Variants in RIT2 observed in about 807,000 individuals in gnomAD.
RIT2 encodes the protein GTP-binding protein Rit2.
RIT2 carries 24 observed loss-of-function variants against 23.7 expected under a neutral mutation model. The ratio of observed to expected loss-of-function variants is 1.01; its 90% confidence interval spans 0.73 to 1.43. The LOEUF (loss-of-function observed/expected upper bound fraction) is 1.43, where lower values mean the gene tolerates loss of function less well. Among genes scored for constraint, RIT2 ranks in the 40% most tolerant of loss-of-function variants. RIT2 has a pLI of 0.00. For missense variants in RIT2, 236 were observed against 266.9 expected, an observed-to-expected ratio of 0.88 and a Z score of 0.81; for synonymous variants, 107 against 91.1, an observed-to-expected ratio of 1.17 and a Z score of -0.99.
chr18:42,922,009 G>C (rs568997813), intron 4 of RIT2, among the ~76,000 whole-genome samples: 1 of 152,274 alleles, frequency 6.6e-6, no homozygotes, highest in African/African-American at 2.4e-5. Context: ...TGCTGAACAT[G>C]TCTTTGGAGA....
At chr18:42,802,058 A>C (rs1274909588) in intron 4 of RIT2, among the ~76,000 whole-genome samples, 1 of 152,244 alleles carries the variant, frequency 6.6e-6, no homozygotes, top group African/African-American at 2.4e-5. Flanking sequence ...AGAAGGCATG[A>C]AAACAATGCA....
intron 3 of RIT2, among the ~76,000 whole-genome samples, chr18:42,960,079 C>T (rs1910061315): frequency 6.6e-6 from 1 of 152,192 alleles, no homozygotes; most frequent in African/African-American, 2.4e-5. Context: ...TGTCTTAGCA[C>T]TGTTCAAGCT....
intron 4 of RIT2, among the ~76,000 whole-genome samples, chr18:42,774,671 G>C (rs986558059): frequency 3.3e-5 from 5 of 150,748 alleles, no homozygotes; most frequent in African/African-American, 1.2e-4. Flanking sequence ...ACCATGGAGA[G>C]ATAGCCTTAC....
chr18:42,819,608 C>A (rs1407040985), intron 4 of RIT2, among the ~76,000 whole-genome samples: 1 of 151,562 alleles, frequency 6.6e-6, no homozygotes. Flanking sequence ...ATTAGTTTAC[C>A]CTGCTTATGT....
intron 1 of RIT2, among the ~76,000 whole-genome samples, chr18:43,094,986 A>T (rs567912601): frequency 6.6e-6 from 1 of 152,102 alleles, no homozygotes; most frequent in South Asian, 2.1e-4. Context: ...GTTGCTTCCA[A>T]GTCTTTGCTA....
At chr18:42,981,833 TCTCAGGAATATAACAG>T (rs1224968886) in intron 2 of RIT2, among the ~76,000 whole-genome samples, 4 of 152,058 alleles carry the variant, frequency 2.6e-5, no homozygotes, top group Non-Finnish European at 5.9e-5. Context: ...TTAATGACAG[TCTCAGGAATATAACAG>T]CTATGAGAAG....
chr18:43,001,039 TTATTTCATTTCATTC>T (rs1355693438), intron 2 of RIT2, among the ~76,000 whole-genome samples: 36 of 152,116 alleles, frequency 2.4e-4, no homozygotes, highest in African/African-American at 7.0e-4. Context: ...TTTCATTCTT[TTATTTCATTTCATTC>T]TATTTCATTT....
chr18:42,766,572 C>A (rs565523730), intron 4 of RIT2, among the ~76,000 whole-genome samples: 9 of 152,278 alleles, frequency 5.9e-5, no homozygotes, highest in African/African-American at 1.7e-4. Context: ...AGCAGCCTGA[C>A]TATGCGATAG....
intron 4 of RIT2, among the ~76,000 whole-genome samples, chr18:42,764,429 C>T (rs975893518): frequency 2.6e-5 from 4 of 152,160 alleles, no homozygotes; most frequent in Admixed American, 2.6e-4. Flanking sequence ...CACCTCCCAC[C>T]TTCCATATGC....
intron 4 of RIT2, among the ~76,000 whole-genome samples, chr18:42,824,092 A>G (rs1342541698): frequency 6.6e-6 from 1 of 152,174 alleles, no homozygotes; most frequent in Non-Finnish European, 1.5e-5. Flanking sequence ...AAAAATCATG[A>G]GAAAATAATA....
chr18:43,095,605 A>T (rs1391744091), intron 1 of RIT2, among the ~76,000 whole-genome samples: 1 of 152,040 alleles, frequency 6.6e-6, no homozygotes, highest in Non-Finnish European at 1.5e-5. Context: ...GATCTTGTGT[A>T]AAAAAGTAAA....
chr18:42,775,797 AT>A (rs1913656302), intron 4 of RIT2, among the ~76,000 whole-genome samples: 1 of 151,968 alleles, frequency 6.6e-6, no homozygotes, highest in Admixed American at 6.6e-5. Flanking sequence ...CCATCTATGG[AT>A]TTCCTCTTTG....
chr18:42,915,713 C>T (rs942911115), intron 4 of RIT2, among the ~76,000 whole-genome samples: 22 of 151,842 alleles, frequency 1.4e-4, no homozygotes, highest in Admixed American at 7.2e-4. Flanking sequence ...GCAACATAAA[C>T]GGTGAAATTT....
At position 42,798,991 on chromosome 18, in the gene RIT2, A is replaced by G. The variant is rs573221689; in HGVS notation, c.427-55271T>C. Among the ~76,000 whole-genome samples, 16 of 152,198 alleles carry G rather than the reference A, an allele frequency of 1.1e-4. No homozygotes were observed. The South Asian group carries it at 1.2e-3, about 12-fold the overall frequency. ...AACTGCAGCCAGTCTCATTGCATAAACTGTTTATTTTAGTTTTAGTGTTTG... is the reference window on the plus strand; with the variant it reads ...AACTGCAGCCAGTCTCATTGCATAAGCTGTTTATTTTAGTTTTAGTGTTTG... On this transcript the variant is annotated intron_variant, in intron 4 of 4. Transcript: ENST00000326695.
At chr18:42,885,088 A>G (rs1433192078) in intron 4 of RIT2, among the ~76,000 whole-genome samples, 1 of 152,194 alleles carries the variant, frequency 6.6e-6, no homozygotes, top group Non-Finnish European at 1.5e-5. Flanking sequence ...TTGTGAATTC[A>G]TCTTAAATCA....
chr18:42,958,816 C>A (rs1168168920), intron 3 of RIT2, among the ~76,000 whole-genome samples: 1 of 152,092 alleles, frequency 6.6e-6, no homozygotes, highest in Non-Finnish European at 1.5e-5. Flanking sequence ...TAATGATCTT[C>A]CTACATGTAT....
At chr18:43,094,832 T>C (rs911174340) in intron 1 of RIT2, among the ~76,000 whole-genome samples, 1 of 152,066 alleles carries the variant, frequency 6.6e-6, no homozygotes, top group African/African-American at 2.4e-5. Context: ...GTCCTTGTGA[T>C]AGTTTGCTGA....
chr18:42,884,088 C>T (rs547164719), intron 4 of RIT2, among the ~76,000 whole-genome samples: 9 of 152,270 alleles, frequency 5.9e-5, no homozygotes, highest in East Asian at 3.9e-4. Flanking sequence ...CCTAGAAAGA[C>T]GTTCTCCAGG....
At chr18:42,981,099 A>G (rs188962502) in intron 2 of RIT2, among the ~76,000 whole-genome samples, 8 of 152,224 alleles carry the variant, frequency 5.3e-5, no homozygotes, top group Admixed American at 2.6e-4. Flanking sequence ...CTGATGCTGA[A>G]TGTCTCCAGT....
Sources: gnomAD v4.1 joint callset for allele counts (sites outside exome capture counted in the v4.1 genomes callset) on GRCh38, gnomAD v4.1.1 for gene constraint, MANE v1.5 for transcripts, NCBI Gene and HGNC (gene_info 2026-07-23, HGNC 2026-07-21) for gene names.